PLA2G4A: variants seen among roughly 807,000 people sequenced by gnomAD.
PLA2G4A encodes the protein phospholipase A2 group IVA, also known as cytosolic phospholipase A2.
PLA2G4A carries 40 observed loss-of-function variants against 81.9 expected under a neutral mutation model. The ratio of observed to expected loss-of-function variants is 0.49; its 90% CI spans 0.38 to 0.64. PLA2G4A has a LOEUF of 0.64. PLA2G4A is among the 30% of genes least tolerant of loss of function. The pLI, the probability that PLA2G4A is intolerant of heterozygous loss-of-function variation, is 0.00. For synonymous variants in PLA2G4A, 302 were observed against 296.9 expected (o/e 1.02, Z -0.18); for missense variants, 715 against 905.1 (o/e 0.79, Z 2.69).
At chr1:186,904,577 T>C (rs1654668501) in intron 5 of PLA2G4A, among the ~76,000 whole-genome samples, 1 of 152,284 alleles carries the variant, frequency 6.6e-6, no homozygotes, top group Non-Finnish European at 1.5e-5. Flanking sequence ...ACTTGTGCAA[T>C]GAGGAAGTGA....
chr1:186,877,590 C>T (rs978198083), intron 3 of PLA2G4A, among the ~76,000 whole-genome samples: 1 of 150,104 alleles, frequency 6.7e-6, no homozygotes, highest in Non-Finnish European at 1.5e-5. Flanking sequence ...TCCGAAAACA[C>T]TTGGGTATAT....
intron 3 of PLA2G4A, among the ~76,000 whole-genome samples, chr1:186,883,495 A>G (rs1217463816): frequency 1.3e-5 from 2 of 152,126 alleles, no homozygotes; most frequent in African/African-American, 4.8e-5. Context: ...TTTCAAGACC[A>G]TATAAATAAC....
chr1:186,880,989 A>T (rs528254566), intron 3 of PLA2G4A, among the ~76,000 whole-genome samples: 1 of 152,150 alleles, frequency 6.6e-6, no homozygotes, highest in South Asian at 2.1e-4. Context: ...TTTCCCATGA[A>T]TATCAACATC....
At chr1:186,950,557 A>T in intron 12 of PLA2G4A, 100 bp from the exon 13 acceptor site, 1 of 691,824 alleles carries the variant, frequency 1.4e-6, no homozygotes, top group Middle Eastern at 3.3e-4. Context: ...GAGCTAGTAG[A>T]TCTCACTCTG....
chr1:186,842,091 G>A (rs1652004520), intron 1 of PLA2G4A, among the ~76,000 whole-genome samples: 1 of 143,914 alleles, frequency 6.9e-6, no homozygotes, highest in African/African-American at 2.6e-5. Flanking sequence ...TGCCCAAGCT[G>A]AAGGGCAGTG....
At chr1:186,875,127 C>T (rs1288404467) in intron 3 of PLA2G4A, among the ~76,000 whole-genome samples, 1 of 152,000 alleles carries the variant, frequency 6.6e-6, no homozygotes, top group Non-Finnish European at 1.5e-5. Context: ...GACCCATGAA[C>T]CACATTTTGA....
rs190922558 is a variant in PLA2G4A, at chr1:186,855,262, C to G, written c.33+875C>G. On this transcript the variant is annotated intron_variant, in intron 2 of 17. Transcript: ENST00000367466. ...AATCCAATAAACTCTTCAGTCCCCC[C>G]ACTCCTTCTACCCAACTCTGCTGCT... Among the ~76,000 whole-genome samples the G allele has an allele frequency of 2.8e-3, 429 of 152,062 alleles. 3 individuals carry two copies. Among genetic ancestry groups the G allele is most frequent in the African/African-American group, 9.6e-3 (399 of 41,514 alleles).
chr1:186,870,743 G>T, intron 3 of PLA2G4A: 1 of 1,541,868 alleles, frequency 6.5e-7, no homozygotes, highest in Non-Finnish European at 8.8e-7. Flanking sequence ...TTGGTGACAT[G>T]CGTAAGAGTG....
At chr1:186,911,162 C>A in intron 6 of PLA2G4A, 86 bp from the exon 7 acceptor site, 2 of 1,057,294 alleles carry the variant, frequency 1.9e-6, no homozygotes, top group Non-Finnish European at 1.5e-6. Flanking sequence ...ATCAGTGTAG[C>A]TCCTAGGGAC....
intron 17 of PLA2G4A, among the ~76,000 whole-genome samples, chr1:186,982,537 G>A (rs1276257788): frequency 2.0e-5 from 3 of 152,172 alleles, no homozygotes; most frequent in Non-Finnish European, 4.4e-5. Context: ...AATGCCTCAG[G>A]TTAACAACAT....
chr1:186,844,130 C>T (rs990294299), intron 1 of PLA2G4A, among the ~76,000 whole-genome samples: 5 of 152,110 alleles, frequency 3.3e-5, no homozygotes, highest in Admixed American at 2.0e-4. Context: ...TTATTCTGTG[C>T]CTTTGTGTCT....
Position 186,899,410 on chromosome 1 carries a change from G to C in PLA2G4A, c.378+5199G>C, listed in dbSNP as rs111461370. Among the ~76,000 whole-genome samples, 833 of 152,294 alleles carry C rather than the reference G, an allele frequency of 5.5e-3. 6 individuals carry two copies. Among genetic ancestry groups the C allele is most frequent in the African/African-American group, 0.019 (801 of 41,550 alleles). ...GTGACAGTGGACATCAATGTCTTAG[G>C]CATGTCCTTAAAGAAAGGGTGTGGT... On this transcript the variant is annotated intron_variant, in intron 5 of 17. Coordinates refer to ENST00000367466, the MANE Select transcript of PLA2G4A (RefSeq NM_024420.3).
In PLA2G4A at chr1:186,959,204, A is replaced by T. The variant is rs896888142; in HGVS notation, c.1579+2860A>T. Among the ~76,000 whole-genome samples the T allele has an allele frequency of 4.6e-5, 7 of 151,974 alleles. No homozygotes were observed. The South Asian group carries it at 1.5e-3, about 32-fold the overall frequency. ...GCAACAGAGCCAGACTCCATCTCAA[A>T]AAAAAAATAAAAGAATATGAGTTGA... On this transcript the variant is annotated intron_variant, in intron 14 of 17. Transcript: ENST00000367466.
At chr1:186,840,545 A>G (rs1036259938) in intron 1 of PLA2G4A, among the ~76,000 whole-genome samples, 1 of 152,178 alleles carries the variant, frequency 6.6e-6, no homozygotes, top group Non-Finnish European at 1.5e-5. Context: ...TGCTTCCGCA[A>G]TTCCTGATGA....
chr1:186,938,919 T>G (rs1300676033), intron 8 of PLA2G4A, 89 bp from the exon 9 acceptor site: 4 of 769,284 alleles, frequency 5.2e-6, no homozygotes, highest in Non-Finnish European at 9.5e-6. Flanking sequence ...ATGTCCACCA[T>G]GCTTTATTTA....
intron 14 of PLA2G4A, among the ~76,000 whole-genome samples, chr1:186,964,423 A>G (rs932476): frequency 0.45 from 68,656 of 151,874 alleles, 17,081 homozygotes; most frequent in African/African-American, 0.66. Flanking sequence ...TTGCCATCTC[A>G]TCTGTTCTCC....
chr1:186,956,376 A>G, intron 14 of PLA2G4A, 32 bp downstream of exon 14: 4 of 1,585,208 alleles, frequency 2.5e-6, no homozygotes, highest in Non-Finnish European at 2.6e-6. Flanking sequence ...GTGGGAGCTA[A>G]TGCAGGAGAT....
At chr1:186,921,241 A>G (rs1655340002) in intron 7 of PLA2G4A, among the ~76,000 whole-genome samples, 1 of 152,176 alleles carries the variant, frequency 6.6e-6, no homozygotes, top group Non-Finnish European at 1.5e-5. Flanking sequence ...GTAATCAGCT[A>G]GGACGTGCTC....
At chr1:186,943,703 G>A (rs1444648547) in intron 10 of PLA2G4A, among the ~76,000 whole-genome samples, 1 of 152,074 alleles carries the variant, frequency 6.6e-6, no homozygotes, top group Non-Finnish European at 1.5e-5. Flanking sequence ...GGAAGCCAGA[G>A]TTATGTTTTG....
Sources: gnomAD v4.1 joint callset for allele counts (sites outside exome capture counted in the v4.1 genomes callset) on GRCh38, gnomAD v4.1.1 for gene constraint, MANE v1.5 for transcripts, NCBI Gene and HGNC (gene_info 2026-07-23, HGNC 2026-07-21) for gene names.